Variants in VGLL4 observed in about 807,000 individuals in gnomAD.
VGLL4 encodes the protein transcription cofactor vestigial-like protein 4.
A neutral mutation model predicts 21.0 loss-of-function variants in VGLL4; 7 were observed. The observed-to-expected ratio is 0.33, with a 90% CI of 0.19 to 0.63. The LOEUF is 0.63. Ranked by LOEUF, VGLL4 falls within the 20% of genes least tolerant of loss-of-function variation. The pLI, the probability that VGLL4 is intolerant of heterozygous loss-of-function variation, is 0.78. For missense variants in VGLL4, 394 were observed against 425.7 expected, an observed-to-expected ratio of 0.93 and a Z score of 0.66; for synonymous variants, 222 against 173.2, an observed-to-expected ratio of 1.28 and a Z score of -2.21.
At chr3:11,588,738 G>A (rs530824880) in intron 2 of VGLL4, among the ~76,000 whole-genome samples, 2 of 152,368 alleles carry the variant, frequency 1.3e-5, no homozygotes, top group South Asian at 4.1e-4. Flanking sequence ...CATGAATAGG[G>A]GGACAGAAGG....
intron 2 of VGLL4, among the ~76,000 whole-genome samples, chr3:11,668,731 C>T (rs574229992): frequency 5.3e-5 from 8 of 152,358 alleles, no homozygotes; most frequent in South Asian, 2.1e-4. Context: ...CCTGCTCACA[C>T]GCCAGGCTCT....
At position 11,559,320 on chromosome 3, in the gene VGLL4, C is replaced by G; in HGVS notation, c.619+12G>C. ...CACAGCTGTGACAGGTGAGGAGGCC[C>G]GGGACACTCACCGCTCGGTGGCCTC... On this transcript the variant is annotated intron_variant, in intron 4 of 4. Transcript: ENST00000430365. 1 of 1,528,856 alleles carries G rather than the reference C, an allele frequency of 6.5e-7. No individual in the cohort carries two copies. Among genetic ancestry groups the G allele is most frequent in the South Asian group, 1.2e-5 (1 of 80,372 alleles). 94.7% of individuals were successfully genotyped at this position (1,528,856 alleles called of 1,614,324 possible).
chr3:11,591,059 G>A (rs770765751), intron 2 of VGLL4, among the ~76,000 whole-genome samples: 30 of 152,226 alleles, frequency 2.0e-4, no homozygotes, highest in Non-Finnish European at 3.2e-4. Context: ...CTCTAGCTAC[G>A]GATAAAAAGA....
At chr3:11,658,841 A>G (rs2075993744) in intron 2 of VGLL4, among the ~76,000 whole-genome samples, 1 of 152,228 alleles carries the variant, frequency 6.6e-6, no homozygotes, top group Non-Finnish European at 1.5e-5. Flanking sequence ...AAGTGCTATC[A>G]GCTGCTAATA....
chr3:11,593,641 G>A (rs943359215), intron 2 of VGLL4, among the ~76,000 whole-genome samples: 1 of 152,214 alleles, frequency 6.6e-6, no homozygotes, highest in African/African-American at 2.4e-5. Flanking sequence ...AAGGAAGAGG[G>A]AGGGAAGAGG....
intron 3 of VGLL4, among the ~76,000 whole-genome samples, chr3:11,560,161 C>CT (rs1054514984): frequency 1.3e-5 from 2 of 152,210 alleles, no homozygotes; most frequent in Non-Finnish European, 2.9e-5. Context: ...ACCACCACCG[C>CT]TTTTCACTCC....
intron 1 of VGLL4, chr3:11,610,550 G>C (rs2075041682): frequency 6.6e-6 from 1 of 152,320 alleles, no homozygotes; most frequent in Non-Finnish European, 1.5e-5. Flanking sequence ...TGCAGAGCCT[G>C]ACCTCGCCTC....
intron 2 of VGLL4, among the ~76,000 whole-genome samples, chr3:11,660,194 C>T (rs1395205417): frequency 3.9e-5 from 6 of 152,116 alleles, no homozygotes; most frequent in Non-Finnish European, 1.5e-5. Context: ...ATCCTGCCAG[C>T]CAGCAGTTAG....
chr3:11,691,083 A>C (rs1220079599), intron 2 of VGLL4, among the ~76,000 whole-genome samples: 2 of 151,940 alleles, frequency 1.3e-5, no homozygotes. Flanking sequence ...GTTACATCCC[A>C]CTTTTTCAGC....
At chr3:11,717,578 C>T (rs989876585) in intron 1 of VGLL4, among the ~76,000 whole-genome samples, 1 of 146,396 alleles carries the variant, frequency 6.8e-6, no homozygotes, top group African/African-American at 2.6e-5. Flanking sequence ...TGGCCTCAAG[C>T]GATCCTCTTA....
chr3:11,687,036 A>C (rs1328142778), intron 2 of VGLL4, among the ~76,000 whole-genome samples: 1 of 6,606 alleles, frequency 1.5e-4, no homozygotes, highest in African/African-American at 5.6e-4. Context: ...TTTGTAGCTC[A>C]AAGTTTAAGA....
intron 2 of VGLL4, among the ~76,000 whole-genome samples, chr3:11,676,406 A>ATAAAT (rs1559939065): frequency 2.4e-4 from 8 of 33,538 alleles, no homozygotes; most frequent in South Asian, 6.8e-4. Flanking sequence ...AAAAAAAAAA[A>ATAAAT]AAAATAAAAT....
intron 1 of VGLL4, among the ~76,000 whole-genome samples, chr3:11,640,712 G>C (rs2075672933): frequency 6.6e-6 from 1 of 152,154 alleles, no homozygotes; most frequent in African/African-American, 2.4e-5. Context: ...TTACCAAGGA[G>C]GGAGTCCACA....
Position 11,568,824 on chromosome 3 carries a change from C to G in VGLL4, c.273-3805G>C. ...AGCCCACGGCATCCCCGCGAACACC[C>G]AAAGGACTCTGAGTGGCTCCGTGCC... On this transcript the variant is annotated intron_variant, in intron 2 of 4. Coordinates refer to ENST00000430365, the MANE Select transcript of VGLL4 (RefSeq NM_001128219.3). The surrounding 1 kb of genome is among the most constrained non-coding windows in gnomAD (Gnocchi z 5.9). 1 of 1,421,582 alleles carries G rather than the reference C, an allele frequency of 7.0e-7. No individual in the cohort carries two copies. 88.1% of individuals were successfully genotyped at this position (1,421,582 alleles called of 1,614,324 possible).
At chr3:11,652,278 TTTAA>T (rs1156760475) in intron 2 of VGLL4, among the ~76,000 whole-genome samples, 1 of 152,188 alleles carries the variant, frequency 6.6e-6, no homozygotes, top group Non-Finnish European at 1.5e-5. Flanking sequence ...TAACAAATAG[TTTAA>T]TTCTTACTAA....
intron 2 of VGLL4, among the ~76,000 whole-genome samples, chr3:11,572,537 T>A (rs2073817891): frequency 6.6e-6 from 1 of 152,178 alleles, no homozygotes; most frequent in African/African-American, 2.4e-5. Context: ...CTCAGTCCCA[T>A]TCCCCTCTCT....
chr3:11,595,797 G>A (rs2074622750), intron 2 of VGLL4, among the ~76,000 whole-genome samples: 1 of 143,568 alleles, frequency 7.0e-6, no homozygotes, highest in African/African-American at 2.6e-5. Flanking sequence ...GAGAACACAT[G>A]GACACAGGAA....
chr3:11,586,593 T>C (rs556355201), intron 2 of VGLL4, among the ~76,000 whole-genome samples: 45 of 152,324 alleles, frequency 3.0e-4, no homozygotes, highest in African/African-American at 1.0e-3. Flanking sequence ...TTCCACAGCA[T>C]TTACATTGTA....
chr3:11,682,259 T>A (rs1429425381), intron 2 of VGLL4, among the ~76,000 whole-genome samples: 1 of 151,678 alleles, frequency 6.6e-6, no homozygotes, highest in Non-Finnish European at 1.5e-5. Context: ...CAAAAAATTA[T>A]CTGGGCGTGG....
Sources: gnomAD v4.1 joint callset for allele counts (sites outside exome capture counted in the v4.1 genomes callset) on GRCh38, gnomAD v4.1.1 for gene constraint, Gnocchi (gnomAD v3.1) non-coding constraint, MANE v1.5 for transcripts, NCBI Gene and HGNC (gene_info 2026-07-23, HGNC 2026-07-21) for gene names.